Variants in ZG16 observed in about 807,000 individuals in gnomAD.
The protein encoded by ZG16 is zymogen granule membrane protein 16.
Under a neutral mutation model 15.6 loss-of-function variants are expected in ZG16, and 9 were observed. The observed-to-expected ratio is 0.58, with a 90% CI of 0.35 to 1.00. ZG16 has a LOEUF of 1.00. ZG16 is among the 50% of genes least tolerant of loss of function. The pLI is 0.02. For missense variants in ZG16, 174 were observed against 214.8 expected (o/e 0.81, Z 1.19); for synonymous variants, 89 against 87.4 (o/e 1.02, Z -0.10).
chr16:29,779,636 G>T lies in ZG16; in HGVS notation c.187G>T (p.Gly63Cys). The T allele has an allele frequency of 6.5e-7, 1 of 1,537,034 alleles. No homozygotes were observed. The highest frequency in any genetic ancestry group is 1.4e-5 in the African/African-American group (1 of 73,108). Residue 63 changes from glycine (G) to cysteine (C), a missense_variant and splice_region_variant, in exon 3 of 4, where the codon GGT becomes TGT. Physicochemically the swap from Gly to Cys is radical, Grantham distance 159. Coordinates refer to ENST00000400752, the MANE Select transcript of ZG16 (RefSeq NM_152338.4). ...CCGAGTCAACACATACTACATCGTAGGGTAAGATTCTTTGAATTCCTGGCT... is the reference window on the plus strand; with the variant it reads ...CCGAGTCAACACATACTACATCGTATGGTAAGATTCTTTGAATTCCTGGCT... Reference protein sequence around the residue: ...RVRVNTYYIVGLQVRYGKVWS... With the variant: ...RVRVNTYYIVCLQVRYGKVWS...
Position 29,780,594 on chromosome 16 carries a change from C to T in ZG16, c.*175C>T, listed in dbSNP as rs1009199015. The T allele has an allele frequency of 1.6e-6, 1 of 616,312 alleles. No individual in the cohort carries two copies. Among genetic ancestry groups the T allele is most frequent in the East Asian group, 2.8e-5 (1 of 35,220 alleles). 38.2% of individuals were successfully genotyped at this position (616,312 alleles called of 1,614,324 possible). On this transcript the variant is annotated 3_prime_UTR_variant, in exon 4 of 4. Transcript: ENST00000400752. ...GGGGACGTGCAAATCTCACTTCTGG[C>T]TGGCTTTGGACATCTGTCTGGAAGA...
At chr16:29,779,217 G>A (rs1234253586) in intron 1 of ZG16, 43 bp from the exon 2 acceptor site, 1 of 1,533,216 alleles carries the variant, frequency 6.5e-7, no homozygotes, top group Non-Finnish European at 8.7e-7. Context: ...AAGTCAACAA[G>A]GAAGAAGGTG....
In ZG16 at chr16:29,779,190, G is replaced by A. The variant is rs559731347; in HGVS notation, c.-7-70G>A. On this transcript the variant is annotated intron_variant, in intron 1 of 3. Coordinates refer to ENST00000400752, the MANE Select transcript of ZG16 (RefSeq NM_152338.4). ...AGGCTTGGTCTGAGCTGCAGGTCAG[G>A]AGTGCCTGGGTCAATCAAGTCAACA... 3.0e-5 allele frequency: 44 copies of A among 1,471,812 alleles called. 3 individuals carry two copies. The South Asian group carries it at 5.2e-4, about 17-fold the overall frequency. The allele number at this position is 1,471,812 out of a possible 1,614,324, so 91.2% of individuals were successfully genotyped here.
In ZG16 at chr16:29,779,631, TC is replaced by T; in HGVS notation, c.183del (p.Ile61MetfsTer2). ...ALRVRVNTYY[I>X]VGLQVRYGKV... ...CGGGTCCGAGTCAACACATACTACATCGTAGGGTAAGATTCTTTGAATTCCT... is the reference window on the plus strand; with the variant it reads ...CGGGTCCGAGTCAACACATACTACATGTAGGGTAAGATTCTTTGAATTCCT... On this transcript the variant is annotated frameshift_variant, in exon 3 of 4. Transcript: ENST00000400752. LOFTEE classifies it high-confidence loss of function. 1 of 1,537,088 alleles carries T rather than the reference TC, an allele frequency of 6.5e-7. No homozygotes were observed. Among genetic ancestry groups the T allele is most frequent in the South Asian group, 1.2e-5 (1 of 84,050 alleles).
At position 29,780,385 on chromosome 16, in the gene ZG16, G is replaced by GGGAT; in HGVS notation, c.472_475dup (p.Val159GlyfsTer6). On this transcript the variant is annotated frameshift_variant, in exon 4 of 4. Transcript: ENST00000400752. LOFTEE classifies it high-confidence loss of function. ...CTCATCGATGCCATTGGCCTGCACTGGGATGTTTACCCCAGTAGCTGCAGC... is the reference window on the plus strand; with the variant it reads ...CTCATCGATGCCATTGGCCTGCACTGGGATGGATGTTTACCCCAGTAGCTGCAGC... 2.6e-6 allele frequency: 4 copies of GGGAT among 1,536,034 alleles called. No homozygotes were observed. Among genetic ancestry groups the GGGAT allele is most frequent in the Non-Finnish European group, 3.5e-6 (4 of 1,145,968 alleles).
rs1320731895 is a variant in ZG16, at chr16:29,782,958, C to G, written c.*2539C>G. The G allele has an allele frequency of 1.3e-5, 2 of 152,130 alleles. No individual in the cohort carries two copies. Among genetic ancestry groups the G allele is most frequent in the Non-Finnish European group, 2.9e-5 (2 of 68,032 alleles). 9.4% of individuals were successfully genotyped at this position (152,130 alleles called of 1,614,324 possible). A position where few individuals can be genotyped will look rare whatever the true frequency, so the allele number is the denominator to read the frequency against. ...AACATTTATCAGTTCCCAAATAATA[C>G]TCTTATAATTTCTTATGCCTGTCTT... On this transcript the variant is annotated 3_prime_UTR_variant, in exon 4 of 4. Coordinates refer to ENST00000400752, the MANE Select transcript of ZG16 (RefSeq NM_152338.4).
chr16:29,781,784 A>G lies in ZG16; in HGVS notation c.*1365A>G, dbSNP rs1168366419. 6.6e-6 allele frequency: 1 copy of G among 152,200 alleles called. No individual in the cohort carries two copies. Among genetic ancestry groups the G allele is most frequent in the African/African-American group, 2.4e-5 (1 of 41,418 alleles). The allele number at this position is 152,200 out of a possible 1,614,324, so 9.4% of individuals were successfully genotyped here. A position where few individuals can be genotyped will look rare whatever the true frequency, so the allele number is the denominator to read the frequency against. On this transcript the variant is annotated 3_prime_UTR_variant, in exon 4 of 4. Transcript: ENST00000400752. Reference sequence around the variant, plus strand: ...AGAGTGAGACTCCATCTAAAAAAAAAAGGAATGTTATCAGTATCAAAATGG... The same window carrying G: ...AGAGTGAGACTCCATCTAAAAAAAAGAGGAATGTTATCAGTATCAAAATGG...
rs1003383810 is a variant in ZG16, at chr16:29,780,640, A to G, written c.*221A>G. The G allele has an allele frequency of 3.8e-5, 21 of 546,970 alleles. No individual in the cohort carries two copies. The highest frequency in any genetic ancestry group is 2.0e-4 in the Admixed American group (6 of 30,154). The allele number at this position is 546,970 out of a possible 1,614,324, so 33.9% of individuals were successfully genotyped here. ...GAAGATGGGAAGATGAGGGAGAGGT[A>G]TGTAAGAATCCTGGGCTTTGTGCTA... On this transcript the variant is annotated 3_prime_UTR_variant, in exon 4 of 4. Coordinates refer to ENST00000400752, the MANE Select transcript of ZG16 (RefSeq NM_152338.4).
intron 1 of ZG16, 33 bp downstream of exon 1, chr16:29,778,339 TGGG>T (rs938726097): frequency 6.6e-5 from 10 of 152,010 alleles, no homozygotes; most frequent in African/African-American, 2.4e-4. Context: ...GAATCTGAGT[TGGG>T]GGGGAATTCA....
chr16:29,782,317 C>G lies in ZG16; in HGVS notation c.*1898C>G, dbSNP rs752214209. The G allele has an allele frequency of 6.6e-6, 1 of 152,152 alleles. No individual in the cohort carries two copies. The highest frequency in any genetic ancestry group is 1.5e-5 in the Non-Finnish European group (1 of 68,040). 9.4% of individuals were successfully genotyped at this position (152,152 alleles called of 1,614,324 possible). ...GCAAGGGGGCTCACACCTGTAATCC[C>G]AGCACACTTGTAATCCCAGGAGGGT... On this transcript the variant is annotated 3_prime_UTR_variant, in exon 4 of 4. Transcript: ENST00000400752.
intron 3 of ZG16, 112 bp from the exon 4 acceptor site, chr16:29,779,992 C>T (rs1339985579): frequency 1.1e-5 from 11 of 1,032,506 alleles, no homozygotes; most frequent in Non-Finnish European, 1.4e-5. Context: ...GTTGAAGTTC[C>T]CTGTAGGATC....
rs1174473307 is a variant in ZG16 at position 29,780,326 on chromosome 16, C to T, written c.411C>T (p.Thr137=). ...ATGCCGTCCCCTTGCACCCCAACAC[C>T]GTGCTCCGCTTCATCAGTGGCCGGT... is the stretch of plus-strand genomic sequence containing the variant. The part of the protein sequence containing the change: ...SFNAVPLHPN[T]VLRFISGRSG... Residue 137 remains threonine, a synonymous_variant, in exon 4 of 4, where the codon ACC becomes ACT. Coordinates refer to ENST00000400752, the MANE Select transcript of ZG16 (RefSeq NM_152338.4). The T allele has an allele frequency of 3.3e-6, 5 of 1,537,250 alleles. No individual in the cohort carries two copies. The highest frequency in any genetic ancestry group is 3.9e-5 in the Admixed American group (2 of 50,972).
At chr16:29,778,594 G>T (rs1216243206) in intron 1 of ZG16, among the ~76,000 whole-genome samples, 1 of 152,066 alleles carries the variant, frequency 6.6e-6, no homozygotes, top group Non-Finnish European at 1.5e-5. Flanking sequence ...GACTCCTTCT[G>T]CAACTTCTCT....
intron 3 of ZG16, 97 bp downstream of exon 3, chr16:29,779,734 T>C: frequency 7.1e-7 from 1 of 1,411,360 alleles, no homozygotes; most frequent in Non-Finnish European, 9.6e-7. Context: ...CCAGGAGTTC[T>C]AGCTCAGCCT....
intron 3 of ZG16, 108 bp from the exon 4 acceptor site, chr16:29,779,996 T>C (rs1237312964): frequency 2.9e-6 from 3 of 1,050,818 alleles, no homozygotes; most frequent in East Asian, 2.6e-5. Context: ...AAGTTCCCTG[T>C]AGGATCTTCC....
intron 1 of ZG16, 65 bp from the exon 2 acceptor site, chr16:29,779,195 C>T: frequency 6.7e-7 from 1 of 1,498,956 alleles, no homozygotes; most frequent in African/African-American, 1.4e-5. Flanking sequence ...GTCAGGAGTG[C>T]CTGGGTCAAT....
intron 1 of ZG16, among the ~76,000 whole-genome samples, chr16:29,778,915 C>A (rs967055393): frequency 6.6e-6 from 1 of 152,146 alleles, no homozygotes; most frequent in Non-Finnish European, 1.5e-5. Flanking sequence ...CCCAAATGTA[C>A]CTGGGCTTGG....
At position 29,780,182 on chromosome 16, in the gene ZG16, C is replaced by T. The variant is rs1280251655; in HGVS notation, c.267C>T (p.His89=). The T allele has an allele frequency of 2.0e-6, 3 of 1,537,298 alleles. No individual in the cohort carries two copies. The highest frequency in any genetic ancestry group is 2.7e-5 in the African/African-American group (2 of 73,124). Reference sequence around the variant, plus strand: ...GAGACCTGGAGGAGATCTTTCTGCACCCTGGGGAATCAGTGATCCAGGTTT... The same window carrying T: ...GAGACCTGGAGGAGATCTTTCTGCATCCTGGGGAATCAGTGATCCAGGTTT... ...RNGDLEEIFL[H]PGESVIQVSG... The change falls in exon 4 of 4, where the codon CAC becomes CAT. Residue 89 remains histidine, a synonymous_variant. Coordinates refer to ENST00000400752, the MANE Select transcript of ZG16 (RefSeq NM_152338.4).
At position 29,779,289 on chromosome 16, in the gene ZG16, C is replaced by T. The variant is rs893968285; in HGVS notation, c.23C>T (p.Ala8Val). 4 of 1,537,612 alleles carry T rather than the reference C, an allele frequency of 2.6e-6. No homozygotes were observed. The African/African-American group carries it at 5.5e-5, about 21-fold the overall frequency. Residue 8 changes from alanine to valine, a missense_variant, in exon 2 of 4, where the codon GCC becomes GTC. Ala to Val is a moderately conservative substitution (Grantham distance 64). Coordinates refer to ENST00000400752, the MANE Select transcript of ZG16 (RefSeq NM_152338.4). Reference protein sequence around the residue: MLTVALLALLCASASGNA... With the variant: MLTVALLVLLCASASGNA... ...AGAATGTTGACAGTCGCTCTCCTAG[C>T]CCTTCTCTGTGCCTCAGCCTCTGGC...
Sources: allele counts gnomAD v4.1 joint callset (sites outside exome capture counted in the v4.1 genomes callset), GRCh38; gene constraint gnomAD v4.1.1; transcripts MANE v1.5; gene names NCBI Gene and HGNC (gene_info 2026-07-23, HGNC 2026-07-21).